Variants in NRG1 observed in about 807,000 individuals in gnomAD.
The protein encoded by NRG1 is neuregulin 1, also known as pro-neuregulin-1, membrane-bound isoform.
Under a neutral mutation model 63.8 loss-of-function variants are expected in NRG1, and 18 were observed. The ratio of observed to expected loss-of-function variants is 0.28; its 90% CI spans 0.19 to 0.42. The LOEUF (loss-of-function observed/expected upper bound fraction) is 0.42, where lower values mean the gene tolerates loss of function less well. Ranked by LOEUF, NRG1 falls within the 10% of genes least tolerant of loss-of-function variation. The pLI is 1.00. For missense variants in NRG1, 762 were observed against 814.7 expected (o/e 0.94, Z 0.79); for synonymous variants, 302 against 301.3 (o/e 1.00, Z -0.02).
intron 1 of NRG1, among the ~76,000 whole-genome samples, chr8:31,961,058 A>C (rs931337297): frequency 2.0e-5 from 3 of 152,172 alleles, no homozygotes; most frequent in African/African-American, 7.2e-5. Flanking sequence ...ACTTGCGAAG[A>C]TGATTTGCGT....
chr8:32,542,012 C>G (rs574587491), intron 1 of NRG1, among the ~76,000 whole-genome samples: 36 of 152,134 alleles, frequency 2.4e-4, no homozygotes, highest in African/African-American at 8.7e-4. Context: ...TTTTAATTCC[C>G]CTCTAACAAT....
chr8:32,138,358 C>A (rs1189975284), intron 1 of NRG1, among the ~76,000 whole-genome samples: 2 of 151,888 alleles, frequency 1.3e-5, no homozygotes, highest in Non-Finnish European at 2.9e-5. Flanking sequence ...AGCATGGGGT[C>A]CTTCAAGCAG....
At chr8:32,622,131 CG>C (rs1848448471) in intron 5 of NRG1, among the ~76,000 whole-genome samples, 1 of 152,036 alleles carries the variant, frequency 6.6e-6, no homozygotes, top group Non-Finnish European at 1.5e-5. Flanking sequence ...AGGACAATCG[CG>C]GTGGCTCATG....
intron 5 of NRG1, among the ~76,000 whole-genome samples, chr8:32,632,251 C>T (rs1850452129): frequency 6.6e-6 from 1 of 152,002 alleles, no homozygotes; most frequent in South Asian, 2.1e-4. Flanking sequence ...ACTAGACGTG[C>T]CTTAATTGGA....
chr8:31,733,148 G>GTTTTT (rs10673288), intron 1 of NRG1, among the ~76,000 whole-genome samples: 79 of 144,068 alleles, frequency 5.5e-4, no homozygotes, highest in African/African-American at 1.7e-3. Context: ...ACTTTATTCT[G>GTTTTT]TTTTTTTTTT....
intron 5 of NRG1, among the ~76,000 whole-genome samples, chr8:32,648,899 C>G (rs1226943592): frequency 6.6e-6 from 1 of 152,154 alleles, no homozygotes; most frequent in Non-Finnish European, 1.5e-5. Flanking sequence ...ACTTTTGTAT[C>G]TTAATTGGTT....
At chr8:32,476,010 T>G (rs184499115) in intron 1 of NRG1, among the ~76,000 whole-genome samples, 2 of 151,970 alleles carry the variant, frequency 1.3e-5, no homozygotes, top group African/African-American at 4.8e-5. Flanking sequence ...TGCCGAAGAG[T>G]AGTAAAAATT....
rs149708689 is a variant in NRG1 at position 31,785,978 on chromosome 8, C to T, written c.37+146547C>T. 1.0e-3 allele frequency among the ~76,000 whole-genome samples: 156 copies of T among 152,182 alleles called. 3 individuals are homozygous for T. The East Asian group carries it at 0.015, about 15-fold the overall frequency. Reference sequence around the variant, plus strand: ...AGATATGAAAAATAATTATTCACAGCGTGTTACTATAAAACATATGTTCAT... The same window carrying T: ...AGATATGAAAAATAATTATTCACAGTGTGTTACTATAAAACATATGTTCAT... On this transcript the variant is annotated intron_variant, in intron 1 of 10. Coordinates refer to the NRG1 transcript ENST00000519301.
intron 1 of NRG1, among the ~76,000 whole-genome samples, chr8:31,854,799 C>A (rs1241635396): frequency 1.3e-5 from 2 of 152,034 alleles, no homozygotes; most frequent in Non-Finnish European, 2.9e-5. Flanking sequence ...CCCAGAGATT[C>A]TGGTATGTTG....
At chr8:32,650,655 CAAAAAAAAA>C (rs59103241) in intron 5 of NRG1, among the ~76,000 whole-genome samples, 124 of 57,832 alleles carry the variant, frequency 2.1e-3, no homozygotes, top group African/African-American at 6.5e-3. Context: ...TAATGGAAAG[CAAAAAAAAA>C]AAAAAAAAAA....
chr8:32,559,256 A>AAAAAAAAAAAAAAAAT (rs1393676483), intron 1 of NRG1, among the ~76,000 whole-genome samples: 1 of 150,448 alleles, frequency 6.6e-6, no homozygotes, highest in Non-Finnish European at 1.5e-5. Context: ...AAAAAAAAAA[A>AAAAAAAAAAAAAAAAT]AAAAAAATCA....
chr8:31,889,827 G>T (rs145700188), intron 1 of NRG1, among the ~76,000 whole-genome samples: 168 of 152,282 alleles, frequency 1.1e-3, no homozygotes, highest in Middle Eastern at 6.8e-3. Context: ...GGGACTTACT[G>T]GTTTGCATGT....
At chr8:31,982,878 C>T (rs537330424) in intron 1 of NRG1, among the ~76,000 whole-genome samples, 1 of 152,034 alleles carries the variant, frequency 6.6e-6, no homozygotes, top group African/African-American at 2.4e-5. Flanking sequence ...TTATTTTGGG[C>T]ATGGCAATGT....
At chr8:32,042,749 C>A (rs1820274989) in intron 1 of NRG1, among the ~76,000 whole-genome samples, 1 of 149,698 alleles carries the variant, frequency 6.7e-6, no homozygotes, top group African/African-American at 2.5e-5. Flanking sequence ...AACACAATAA[C>A]TCAATTAAAA....
chr8:31,749,258 A>G (rs1031345865), intron 1 of NRG1, among the ~76,000 whole-genome samples: 2 of 151,936 alleles, frequency 1.3e-5, no homozygotes, highest in African/African-American at 4.8e-5. Context: ...GTGATTATTT[A>G]TAGTTTATTC....
intron 1 of NRG1, among the ~76,000 whole-genome samples, chr8:32,355,211 C>A (rs958581149): frequency 2.0e-5 from 3 of 152,116 alleles, no homozygotes; most frequent in African/African-American, 7.2e-5. Flanking sequence ...GTAATCCTAG[C>A]ACTTTGGGTG....
chr8:31,719,103 C>T (rs1244485149), intron 1 of NRG1, among the ~76,000 whole-genome samples: 1 of 152,116 alleles, frequency 6.6e-6, no homozygotes, highest in Non-Finnish European at 1.5e-5. Flanking sequence ...TGTTTCATTT[C>T]CCCGGGTAAT....
chr8:31,669,576 G>A (rs888032127), intron 1 of NRG1, among the ~76,000 whole-genome samples: 3 of 151,986 alleles, frequency 2.0e-5, no homozygotes. Flanking sequence ...CATGAAATAA[G>A]GTTTGTGTAC....
chr8:32,196,698 T>G (rs1842980678), intron 1 of NRG1, among the ~76,000 whole-genome samples: 1 of 152,062 alleles, frequency 6.6e-6, no homozygotes, highest in East Asian at 1.9e-4. Context: ...TTCATTCCAT[T>G]GTAGAGTAAT....
Sources: gnomAD v4.1 joint callset for allele counts (sites outside exome capture counted in the v4.1 genomes callset) on GRCh38, gnomAD v4.1.1 for gene constraint, MANE v1.5 for transcripts, NCBI Gene and HGNC (gene_info 2026-07-23, HGNC 2026-07-21) for gene names.